The following TRHDE variants were observed in gnomAD, a reference collection of about 807,000 sequenced individuals.
TRHDE encodes thyrotropin releasing hormone degrading enzyme, also known as thyrotropin-releasing hormone-degrading ectoenzyme.
TRHDE carries 72 observed loss-of-function variants against 125.7 expected under a neutral mutation model. That is an observed-to-expected ratio of 0.57 (90% confidence interval 0.47 to 0.70). TRHDE has a LOEUF of 0.70. Among genes scored for constraint, TRHDE ranks in the 30% least tolerant of loss-of-function variants. The probability of loss-of-function intolerance (pLI) is 0.00; values close to 1 mark genes in which losing one functional copy is unlikely to be tolerated. For missense variants in TRHDE, 1,110 were observed against 1,327.1 expected (o/e 0.84, Z 2.54); for synonymous variants, 509 against 509.1 (o/e 1.00, Z 0.00).
intron 6 of TRHDE, among the ~76,000 whole-genome samples, chr12:72,518,676 G>T (rs1879011719): frequency 6.6e-6 from 1 of 151,954 alleles, no homozygotes; most frequent in Admixed American, 6.6e-5. Context: ...GTGTGAATTT[G>T]ATCCTGTCAT....
chr12:72,397,256 A>G (rs1302457572), intron 3 of TRHDE, among the ~76,000 whole-genome samples: 1 of 152,218 alleles, frequency 6.6e-6, no homozygotes, highest in Non-Finnish European at 1.5e-5. Flanking sequence ...TGCCTTAAAA[A>G]TAATCTCATG....
intron 3 of TRHDE, among the ~76,000 whole-genome samples, chr12:72,451,211 A>G (rs903547216): frequency 6.6e-5 from 10 of 152,060 alleles, no homozygotes; most frequent in African/African-American, 2.4e-4. Context: ...AAGCAGTACC[A>G]TTGAGCTTTT....
chr12:72,585,741 T>A (rs892634875), intron 12 of TRHDE, among the ~76,000 whole-genome samples: 17 of 152,318 alleles, frequency 1.1e-4, no homozygotes, highest in Admixed American at 9.8e-4. Flanking sequence ...CAAAGACTAC[T>A]GAAAAATTAA....
At chr12:72,166,840 G>A (rs1379677510) in intron 2 of TRHDE, among the ~76,000 whole-genome samples, 1 of 151,786 alleles carries the variant, frequency 6.6e-6, no homozygotes, top group Admixed American at 6.6e-5. Context: ...CTCCCAATGG[G>A]CAGAACATAC....
At chr12:72,523,212 G>T (rs1041547189) in intron 6 of TRHDE, among the ~76,000 whole-genome samples, 6 of 151,480 alleles carry the variant, frequency 4.0e-5, no homozygotes, top group Non-Finnish European at 8.8e-5. Flanking sequence ...TCTTACATTT[G>T]CTCTGTGTTA....
At chr12:72,107,013 A>G (rs1449973791) in intron 2 of TRHDE, among the ~76,000 whole-genome samples, 1 of 151,908 alleles carries the variant, frequency 6.6e-6, no homozygotes, top group African/African-American at 2.4e-5. Flanking sequence ...TCACTCCAAG[A>G]CTGTGTAGAC....
chr12:72,230,186 G>A (rs1317228323), intron 2 of TRHDE, among the ~76,000 whole-genome samples: 3 of 152,064 alleles, frequency 2.0e-5, no homozygotes, highest in African/African-American at 7.2e-5. Context: ...TGTATTTTCT[G>A]AAGAAATTTT....
At chr12:72,628,723 CT>C (rs2136084604) in intron 15 of TRHDE, among the ~76,000 whole-genome samples, 1 of 151,806 alleles carries the variant, frequency 6.6e-6, no homozygotes, top group Non-Finnish European at 1.5e-5. Context: ...TGAATTTATC[CT>C]ATTGTGAATT....
At chr12:72,473,839 A>C (rs1279605659) in intron 5 of TRHDE, among the ~76,000 whole-genome samples, 1 of 152,078 alleles carries the variant, frequency 6.6e-6, no homozygotes, top group Non-Finnish European at 1.5e-5. Flanking sequence ...AATATGTGAC[A>C]GTGTGATTAT....
At chr12:72,483,748 T>G (rs2135916598) in intron 5 of TRHDE, among the ~76,000 whole-genome samples, 1 of 152,062 alleles carries the variant, frequency 6.6e-6, no homozygotes, top group Non-Finnish European at 1.5e-5. Context: ...ATTTTCAAAT[T>G]TCAAAAAATG....
At chr12:72,459,810 G>A (rs1481970431) in intron 3 of TRHDE, among the ~76,000 whole-genome samples, 3 of 152,112 alleles carry the variant, frequency 2.0e-5, no homozygotes, top group Admixed American at 6.6e-5. Context: ...CAGGAACAAT[G>A]TCTGACTATG....
At chr12:72,322,016 A>G (rs1029889055) in intron 2 of TRHDE, among the ~76,000 whole-genome samples, 1 of 152,078 alleles carries the variant, frequency 6.6e-6, no homozygotes. Context: ...CAGTTTATTC[A>G]CCCAGTCTGT....
chr12:72,171,899 A>G (rs1242508441), intron 2 of TRHDE, among the ~76,000 whole-genome samples: 1 of 152,230 alleles, frequency 6.6e-6, no homozygotes, highest in Non-Finnish European at 1.5e-5. Flanking sequence ...AGTTGCCCAC[A>G]TTCAGAGTCA....
chr12:72,191,408 A>G (rs1244434254), intron 2 of TRHDE, among the ~76,000 whole-genome samples: 1 of 152,188 alleles, frequency 6.6e-6, no homozygotes, highest in African/African-American at 2.4e-5. Context: ...CAGCCCTTCT[A>G]AAGACTGTCA....
intron 15 of TRHDE, among the ~76,000 whole-genome samples, chr12:72,631,766 G>A (rs1873505351): frequency 6.6e-6 from 1 of 151,832 alleles, no homozygotes; most frequent in African/African-American, 2.4e-5. Context: ...ATTTTTGGTT[G>A]GGAAACTTTT....
chr12:72,328,057 A>G (rs1373477029), intron 2 of TRHDE, among the ~76,000 whole-genome samples: 1 of 152,184 alleles, frequency 6.6e-6, no homozygotes, highest in African/African-American at 2.4e-5. Context: ...GAGTATCATC[A>G]GAGGAAGAAA....
intron 2 of TRHDE, among the ~76,000 whole-genome samples, chr12:72,290,650 A>C (rs771020873): frequency 6.6e-6 from 1 of 152,188 alleles, no homozygotes; most frequent in Non-Finnish European, 1.5e-5. Context: ...AATCATTTGA[A>C]GCCATCTTTG....
At chr12:72,114,677 G>A (rs996544571) in intron 2 of TRHDE, among the ~76,000 whole-genome samples, 3 of 152,028 alleles carry the variant, frequency 2.0e-5, no homozygotes, top group African/African-American at 2.4e-5. Flanking sequence ...GTGTTTAAGG[G>A]TCAACTGTGT....
At chr12:72,181,827 C>A (rs1314256633) in intron 2 of TRHDE, among the ~76,000 whole-genome samples, 1 of 152,022 alleles carries the variant, frequency 6.6e-6, no homozygotes, top group East Asian at 1.9e-4. Flanking sequence ...GGAAGTTGAT[C>A]AATTTTGAAC....
Sources: allele counts gnomAD v4.1 joint callset (sites outside exome capture counted in the v4.1 genomes callset), GRCh38; gene constraint gnomAD v4.1.1; transcripts MANE v1.5; gene names NCBI Gene and HGNC (gene_info 2026-07-23, HGNC 2026-07-21).